The following DYTN variants were observed in gnomAD, a reference collection of about 807,000 sequenced individuals.
The protein encoded by DYTN is dystrotelin.
Under a neutral mutation model 69.6 loss-of-function variants are expected in DYTN, and 75 were observed. That is an observed-to-expected ratio of 1.08 (90% CI 0.89 to 1.31). The LOEUF (loss-of-function observed/expected upper bound fraction) is 1.31, where lower values mean the gene tolerates loss of function less well. Ranked by LOEUF, DYTN falls within the 50% of genes most tolerant of loss-of-function variation. The pLI, the probability that DYTN is intolerant of heterozygous loss-of-function variation, is 0.00. For synonymous variants in DYTN, 252 were observed against 249.1 expected, an observed-to-expected ratio of 1.01 and a Z score of -0.11; for missense variants, 726 against 688.4, an observed-to-expected ratio of 1.05 and a Z score of -0.61.
At chr2:206,689,405 C>A (rs960247847) in intron 9 of DYTN, among the ~76,000 whole-genome samples, 4 of 152,140 alleles carry the variant, frequency 2.6e-5, no homozygotes, top group African/African-American at 9.7e-5. Flanking sequence ...ATTCCACATT[C>A]TTTTCTCCTA....
chr2:206,712,252 A>G (rs184704659), intron 1 of DYTN, among the ~76,000 whole-genome samples: 20 of 152,304 alleles, frequency 1.3e-4, no homozygotes, highest in Middle Eastern at 6.8e-3. Flanking sequence ...GAGTCTTAGC[A>G]GGCCCCGGGG....
intron 9 of DYTN, among the ~76,000 whole-genome samples, chr2:206,670,024 T>C (rs1699613115): frequency 6.6e-6 from 1 of 152,200 alleles, no homozygotes; most frequent in Non-Finnish European, 1.5e-5. Context: ...TCTAAAGGAA[T>C]AACAGCAGGA....
Position 206,716,744 on chromosome 2 carries a change from A to G in DYTN, c.19+1517T>C, listed in dbSNP as rs138563912. Reference sequence around the variant, plus strand: ...ATTTCTTTCCTCTGGAAATTGGCCAATGTTTGTGCCCTGGTTCCTCTCAGA... The same window carrying G: ...ATTTCTTTCCTCTGGAAATTGGCCAGTGTTTGTGCCCTGGTTCCTCTCAGA... On this transcript the variant is annotated intron_variant, in intron 1 of 11. Transcript: ENST00000452335. 3.2e-3 allele frequency among the ~76,000 whole-genome samples: 489 copies of G among 151,984 alleles called. 3 individuals are homozygous for G. The highest frequency in any genetic ancestry group is 9.0e-3 in the African/African-American group (372 of 41,494).
chr2:206,706,092 A>C (rs2105901117), intron 3 of DYTN, among the ~76,000 whole-genome samples: 1 of 152,292 alleles, frequency 6.6e-6, no homozygotes, highest in Non-Finnish European at 1.5e-5. Context: ...TCACTCCAAA[A>C]TATGTATTGG....
intron 7 of DYTN, 136 bp downstream of exon 7, chr2:206,699,591 G>T: frequency 1.9e-6 from 2 of 1,047,790 alleles, no homozygotes; most frequent in Non-Finnish European, 2.6e-6. Flanking sequence ...CTCTTGCCAG[G>T]AAATCATTGA....
At chr2:206,665,616 C>T (rs1699561502) in intron 10 of DYTN, among the ~76,000 whole-genome samples, 3 of 151,940 alleles carry the variant, frequency 2.0e-5, no homozygotes, top group South Asian at 2.1e-4. Context: ...GTTAAAAAAC[C>T]GACGCTATAA....
chr2:206,707,159 G>T, intron 3 of DYTN, 143 bp downstream of exon 3: 2 of 1,007,684 alleles, frequency 2.0e-6, no homozygotes, highest in Non-Finnish European at 1.4e-6. Flanking sequence ...TTCTACTCCT[G>T]AGGAATAAAT....
chr2:206,706,040 T>C (rs955118848), intron 3 of DYTN, among the ~76,000 whole-genome samples, 167 bp from the exon 4 acceptor site: 1 of 152,224 alleles, frequency 6.6e-6, no homozygotes, highest in African/African-American at 2.4e-5. Flanking sequence ...GAACAGAGCA[T>C]TGAATTAACA....
At chr2:206,665,676 T>C (rs1028441730) in intron 10 of DYTN, among the ~76,000 whole-genome samples, 194 bp downstream of exon 10, 7 of 152,210 alleles carry the variant, frequency 4.6e-5, no homozygotes, top group Non-Finnish European at 7.3e-5. Context: ...ACAGATCCTG[T>C]TGTTTTTCAA....
chr2:206,687,738 A>G (rs907495796), intron 9 of DYTN, among the ~76,000 whole-genome samples: 3 of 152,088 alleles, frequency 2.0e-5, no homozygotes, highest in African/African-American at 7.2e-5. Context: ...ATTATGCATT[A>G]TTTTTCCATG....
At chr2:206,657,508 T>A (rs1699463622) in intron 11 of DYTN, among the ~76,000 whole-genome samples, 1 of 152,236 alleles carries the variant, frequency 6.6e-6, no homozygotes, top group Admixed American at 6.5e-5. Flanking sequence ...CATATTTTAA[T>A]GTTGTTTTTA....
Position 206,700,144 on chromosome 2 carries a change from C to A in DYTN, c.555+1G>T, listed in dbSNP as rs1428180010. The A allele has an allele frequency of 1.2e-6, 2 of 1,613,828 alleles. No homozygotes were observed. The highest frequency in any genetic ancestry group is 1.7e-6 in the Non-Finnish European group (2 of 1,179,846). On this transcript the variant is annotated splice_donor_variant, in intron 6 of 11. Coordinates refer to ENST00000452335, the MANE Select transcript of DYTN (RefSeq NM_001093730.1). LOFTEE classifies it high-confidence loss of function. ...TCCAGGGACATTTGCAAGGCACTCA[C>A]CCCTTGGAAACAGCTGCGGGTGGCA...
intron 1 of DYTN, among the ~76,000 whole-genome samples, chr2:206,711,898 C>T (rs146910848): frequency 1.2e-4 from 19 of 152,230 alleles, no homozygotes; most frequent in Admixed American, 4.6e-4. Flanking sequence ...ACTATAACAA[C>T]GTTACAACGG....
chr2:206,716,338 A>G (rs1331742407), intron 1 of DYTN, among the ~76,000 whole-genome samples: 1 of 152,154 alleles, frequency 6.6e-6, no homozygotes, highest in Non-Finnish European at 1.5e-5. Context: ...ATCCCAAAGT[A>G]GTGAGAACAT....
At position 206,715,744 on chromosome 2, in the gene DYTN, C is replaced by A. The variant is rs11890916; in HGVS notation, c.19+2517G>T. ...GAAGGCAGAGAGGAGGTTAGAGAACCATAGGAGTTCAAGGGGGCTGTAGGC... is the reference window on the plus strand; with the variant it reads ...GAAGGCAGAGAGGAGGTTAGAGAACAATAGGAGTTCAAGGGGGCTGTAGGC... On this transcript the variant is annotated intron_variant, in intron 1 of 11. Transcript: ENST00000452335. Among the ~76,000 whole-genome samples the A allele has an allele frequency of 3.0e-4, 46 of 152,142 alleles. 3 individuals are homozygous for A. In the East Asian group the frequency reaches 8.9e-3, roughly 29 times the overall value.
intron 10 of DYTN, among the ~76,000 whole-genome samples, chr2:206,665,302 T>C (rs543454328): frequency 6.6e-6 from 1 of 152,192 alleles, no homozygotes; most frequent in African/African-American, 2.4e-5. Context: ...ATCTGTATAT[T>C]TAATGGGTTT....
intron 5 of DYTN, 29 bp from the exon 6 acceptor site, chr2:206,700,245 T>C (rs774939250): frequency 6.2e-6 from 10 of 1,612,186 alleles, no homozygotes; most frequent in African/African-American, 1.3e-5. Flanking sequence ...TCTTAGCTGT[T>C]AGAAAGTGGA....
Position 206,693,184 on chromosome 2 carries a change from G to C in DYTN, c.971C>G (p.Ala324Gly). ...QVNPKGVPHHAQARLLKKQLN... is the reference protein window; with the variant it reads ...QVNPKGVPHHGQARLLKKQLN... ...CCTCGCAGCCACTCACCTGGCCTGC[G>C]CATGGTGAGGCACACCCTTTGGATT... Residue 324 changes from alanine (A) to glycine (G), a missense_variant, in exon 9 of 12, where the codon GCG (alanine) becomes GGG (glycine). Physicochemically the swap from Ala to Gly is moderately conservative, Grantham distance 60. Coordinates refer to ENST00000452335, the MANE Select transcript of DYTN (RefSeq NM_001093730.1). The C allele has an allele frequency of 1.2e-6, 2 of 1,610,420 alleles. No individual in the cohort carries two copies. The highest frequency in any genetic ancestry group is 2.2e-5 in the East Asian group (1 of 44,772).
chr2:206,708,132 A>G (rs1407230781), intron 2 of DYTN, among the ~76,000 whole-genome samples: 1 of 152,246 alleles, frequency 6.6e-6, no homozygotes, highest in Non-Finnish European at 1.5e-5. Context: ...GAAGGCACTT[A>G]ATAAAACTAC....
Sources: allele counts gnomAD v4.1 joint callset (sites outside exome capture counted in the v4.1 genomes callset), GRCh38; gene constraint gnomAD v4.1.1; transcripts MANE v1.5; gene names NCBI Gene and HGNC (gene_info 2026-07-23, HGNC 2026-07-21).